The following CLN6 variants were observed in gnomAD, a reference collection of about 807,000 sequenced individuals.
The protein encoded by CLN6 is CLN6 transmembrane ER protein.
A neutral mutation model predicts 33.3 loss-of-function variants in CLN6; 22 were observed. The observed-to-expected ratio is 0.66, with a 90% CI of 0.47 to 0.94. The LOEUF (loss-of-function observed/expected upper bound fraction) is 0.94. Ranked by LOEUF, CLN6 falls within the 40% of genes least tolerant of loss-of-function variation. CLN6 has a pLI of 0.00. For missense variants in CLN6, 387 were observed against 417.1 expected (o/e 0.93, Z 0.63); for synonymous variants, 201 against 174.6 (o/e 1.15, Z -1.19).
At chr15:68,231,472 G>C (rs535379669), upstream of CLN6, among the ~76,000 whole-genome samples, 4 of 152,108 alleles carry the variant, frequency 2.6e-5, no homozygotes, top group South Asian at 2.1e-4. Flanking sequence ...TGGTGAATCT[G>C]ATCTACACAT....
intron 1 of CLN6, chr15:68,248,396 C>G (rs1463143925): frequency 6.6e-6 from 1 of 152,150 alleles, no homozygotes; most frequent in African/African-American, 2.4e-5. Flanking sequence ...GCCTGTAATC[C>G]CAGCATCTTC....
rs1567095801 is a variant in CLN6 at position 68,211,636 on chromosome 15, TC to T, written c.486+38del. On this transcript the variant is annotated intron_variant, in intron 4 of 6. Coordinates refer to ENST00000249806, the MANE Select transcript of CLN6 (RefSeq NM_017882.3). The surrounding 1 kb of genome is among the most constrained non-coding windows in gnomAD (Gnocchi z 5.9). ...TTCAGCCTCCCAGGACAGACTGTGC[TC>T]CTAGGGCTTACAGGCAGGGAGCAGG... 1 of 1,611,246 alleles carries T rather than the reference TC, an allele frequency of 6.2e-7. No individual in the cohort carries two copies. The highest frequency in any genetic ancestry group is 1.1e-5 in the South Asian group (1 of 90,906).
chr15:68,228,831 A>T lies in CLN6; in HGVS notation c.83+671T>A, dbSNP rs929349741. On this transcript the variant is annotated intron_variant, in intron 1 of 6. Transcript: ENST00000249806. This position sits in a 1 kb window ranked among gnomAD's most constrained non-coding sequence, Gnocchi z 4.4. ...AGCGCTGGGCATACCACAGGCGCTT[A>T]AAGAATGCCTGCTGAATGCAGTGAA... is the stretch of plus-strand genomic sequence containing the variant. 6.6e-5 allele frequency among the ~76,000 whole-genome samples: 10 copies of T among 152,164 alleles called. No individual in the cohort carries two copies. Among genetic ancestry groups the T allele is most frequent in the Non-Finnish European group, 1.3e-4 (9 of 68,028 alleles).
In CLN6 at chr15:68,207,669, C is replaced by T. The variant is rs944794579; in HGVS notation, c.*471G>A. The T allele has an allele frequency of 5.9e-5, 13 of 221,926 alleles. No individual in the cohort carries two copies. Among genetic ancestry groups the T allele is most frequent in the African/African-American group, 2.7e-4 (12 of 44,176 alleles). The allele number at this position is 221,926 out of a possible 1,614,324, so 13.7% of individuals were successfully genotyped here. Reference sequence around the variant, plus strand: ...TTGCTCAACAGCCACAGTAGGCTGACGTAACCTATGTAATGTAGGGTCAGG... The same window carrying T: ...TTGCTCAACAGCCACAGTAGGCTGATGTAACCTATGTAATGTAGGGTCAGG... On this transcript the variant is annotated 3_prime_UTR_variant, in exon 7 of 7. Coordinates refer to ENST00000249806, the MANE Select transcript of CLN6 (RefSeq NM_017882.3).
chr15:68,208,101 C>CA lies in CLN6; in HGVS notation c.*38_*39insT. ...ATTCAGATGCCCTCCATGGCCCACC[C>CA]TCCCACCCAGCAGAGCGCCAGAGCC... On this transcript the variant is annotated 3_prime_UTR_variant, in exon 7 of 7. Coordinates refer to ENST00000249806, the MANE Select transcript of CLN6 (RefSeq NM_017882.3). This position sits in a 1 kb window ranked among gnomAD's most constrained non-coding sequence, Gnocchi z 5.8. 5 of 1,519,178 alleles carry CA rather than the reference C, an allele frequency of 3.3e-6. No individual in the cohort carries two copies. Among genetic ancestry groups the CA allele is most frequent in the African/African-American group, 1.4e-5 (1 of 72,658 alleles). 94.1% of individuals were successfully genotyped at this position (1,519,178 alleles called of 1,614,324 possible). A position where few individuals can be genotyped will look rare whatever the true frequency, so the allele number is the denominator to read the frequency against.
intron 1 of CLN6, among the ~76,000 whole-genome samples, chr15:68,248,727 G>C (rs990831685): frequency 1.3e-5 from 2 of 151,532 alleles, no homozygotes; most frequent in African/African-American, 2.4e-5. Flanking sequence ...AATGCTCCAG[G>C]ACATTGGTCA....
chr15:68,239,647 C>A (rs1032325361), intron 1 of CLN6, among the ~76,000 whole-genome samples: 7 of 152,080 alleles, frequency 4.6e-5, no homozygotes, highest in African/African-American at 1.7e-4. Flanking sequence ...ATGAAATTGA[C>A]TAATCCACAG....
intron 1 of CLN6, among the ~76,000 whole-genome samples, chr15:68,224,573 G>A (rs1181398355): frequency 7.0e-6 from 1 of 142,256 alleles, no homozygotes; most frequent in East Asian, 2.0e-4. Flanking sequence ...AGTGAGCTGA[G>A]ATGGCACCAC....
upstream of CLN6, among the ~76,000 whole-genome samples, chr15:68,233,328 G>A (rs1320412218): frequency 6.6e-6 from 1 of 152,082 alleles, no homozygotes; most frequent in Admixed American, 6.5e-5. The surrounding 1 kb of genome is among the most constrained non-coding windows in gnomAD (Gnocchi z 4.3). Context: ...GGTGCCCTGA[G>A]TGAAGAGAAG....
chr15:68,218,821 AAGG>A (rs1487213208), intron 1 of CLN6, among the ~76,000 whole-genome samples, 171 bp from the exon 2 acceptor site: 2 of 152,150 alleles, frequency 1.3e-5, no homozygotes, highest in Admixed American at 6.6e-5. Context: ...CCCTGTGGTC[AAGG>A]AGAAGGTGGA....
intron 1 of CLN6, among the ~76,000 whole-genome samples, chr15:68,255,114 C>T (rs1388493277): frequency 6.6e-6 from 1 of 152,264 alleles, no homozygotes; most frequent in South Asian, 2.1e-4. Flanking sequence ...TGGGGAAAAC[C>T]CTTTTCCCTT....
intron 1 of CLN6, among the ~76,000 whole-genome samples, chr15:68,221,720 C>T (rs2093236607): frequency 1.3e-5 from 2 of 151,810 alleles, no homozygotes; most frequent in African/African-American, 4.8e-5. Flanking sequence ...GCCCCTCTGC[C>T]CGGCCACCCC....
rs955521082 is a variant in CLN6 at position 68,210,329 on chromosome 15, C to G, written c.543-570G>C. On this transcript the variant is annotated intron_variant, in intron 5 of 6. Coordinates refer to ENST00000249806, the MANE Select transcript of CLN6 (RefSeq NM_017882.3). This position sits in a 1 kb window ranked among gnomAD's most constrained non-coding sequence, Gnocchi z 5.6. ...CGCCTGCCTCTTCTCACCCACACCCCCTTCCTGCTGGGGCTCCAGCTCTCT... is the reference window on the plus strand; with the variant it reads ...CGCCTGCCTCTTCTCACCCACACCCGCTTCCTGCTGGGGCTCCAGCTCTCT... Among the ~76,000 whole-genome samples the G allele has an allele frequency of 2.6e-5, 4 of 152,156 alleles. No individual in the cohort carries two copies. Among genetic ancestry groups the G allele is most frequent in the Admixed American group, 2.6e-4 (4 of 15,282 alleles).
intron 2 of CLN6, among the ~76,000 whole-genome samples, chr15:68,217,719 G>A (rs772375052): frequency 1.1e-4 from 17 of 152,206 alleles, no homozygotes; most frequent in East Asian, 1.9e-4. Context: ...ACTGTGGCCC[G>A]TCAGGCAACT....
rs1595817198 is a variant in CLN6 at position 68,209,727 on chromosome 15, T to C, written c.575A>G (p.Tyr192Cys). Reference protein sequence around the residue: ...YIPFFLILFMYFSGCFTASKA... With the variant: ...YIPFFLILFMCFSGCFTASKA... The stretch of plus-strand genomic sequence containing the variant: ...AGAGGCAGTAAAGCAGCCGCTGAAG[T>C]ACATGAAGAGGATGAGGAAGAAGGG... Residue 192 changes from tyrosine (Y) to cysteine (C), a missense_variant, in exon 6 of 7, where the codon TAC (tyrosine) becomes TGC (cysteine). Physicochemically the swap from Tyr to Cys is radical, Grantham distance 194 (BLOSUM62 -2). Coordinates refer to ENST00000249806, the MANE Select transcript of CLN6 (RefSeq NM_017882.3). The surrounding 1 kb of genome is among the most constrained non-coding windows in gnomAD (Gnocchi z 4.9). 2 of 1,613,582 alleles carry C rather than the reference T, an allele frequency of 1.2e-6. No individual in the cohort carries two copies.
In CLN6 at chr15:68,220,999, T is replaced by TTTATTA. The variant is rs150528709; in HGVS notation, c.84-2355_84-2350dup. The stretch of plus-strand genomic sequence containing the variant: ...TGCCACTATGCCCAGCTAATTTTAT[T>TTTATTA]TTATTATTATTATTATTATTATTAT... On this transcript the variant is annotated intron_variant, in intron 1 of 6. Transcript: ENST00000249806. The surrounding 1 kb of genome is among the most constrained non-coding windows in gnomAD (Gnocchi z 4.2). Among the ~76,000 whole-genome samples the TTTATTA allele has an allele frequency of 1.9e-4, 28 of 146,192 alleles. No homozygotes were observed. Among genetic ancestry groups the TTTATTA allele is most frequent in the Middle Eastern group, 3.6e-3 (1 of 280 alleles).
chr15:68,245,565 CAAACAAAACA>C (rs1424965835), intron 1 of CLN6, among the ~76,000 whole-genome samples: 1 of 115,392 alleles, frequency 8.7e-6, no homozygotes, highest in African/African-American at 3.5e-5. Flanking sequence ...AACCCTGTCT[CAAACAAAACA>C]AAACAAAACA....
upstream of CLN6, among the ~76,000 whole-genome samples, chr15:68,231,908 G>A (rs1165017963): frequency 1.3e-5 from 2 of 152,172 alleles, no homozygotes; most frequent in African/African-American, 4.8e-5. Flanking sequence ...TAAATTGCAT[G>A]GAAATTTGGG....
chr15:68,248,652 C>CAA (rs34923729), intron 1 of CLN6, among the ~76,000 whole-genome samples: 14 of 103,788 alleles, frequency 1.3e-4, no homozygotes, highest in East Asian at 1.1e-3. Context: ...GACTCCGTCT[C>CAA]AAAAAAAAAA....
Sources: allele counts gnomAD v4.1 joint callset (sites outside exome capture counted in the v4.1 genomes callset), GRCh38; gene constraint gnomAD v4.1.1; non-coding constraint Gnocchi (gnomAD v3.1); transcripts MANE v1.5; gene names NCBI Gene and HGNC (gene_info 2026-07-23, HGNC 2026-07-21).